Variants in LGR5 observed in about 807,000 individuals in gnomAD.
LGR5 encodes the protein leucine-rich repeat-containing G protein-coupled receptor 5.
LGR5 carries 54 observed loss-of-function variants against 76.7 expected under a neutral mutation model. The observed-to-expected ratio is 0.70, with a 90% confidence interval of 0.57 to 0.88. The LOEUF is 0.88. Among genes scored for constraint, LGR5 ranks in the 40% least tolerant of loss-of-function variants. The pLI, the probability that LGR5 is intolerant of heterozygous loss-of-function variation, is 0.00. For missense variants in LGR5, 1,078 were observed against 1,073.3 expected (o/e 1.00, Z -0.06); for synonymous variants, 406 against 421.9 (o/e 0.96, Z 0.46).
chr12:71,452,504 C>T (rs1477648975), intron 1 of LGR5, among the ~76,000 whole-genome samples: 2 of 152,180 alleles, frequency 1.3e-5, no homozygotes, highest in Admixed American at 1.3e-4. Context: ...CGGAGTGAGA[C>T]TACTTGATAT....
At chr12:71,514,220 T>C (rs1475222441) in intron 2 of LGR5, among the ~76,000 whole-genome samples, 1 of 151,930 alleles carries the variant, frequency 6.6e-6, no homozygotes, top group Non-Finnish European at 1.5e-5. Context: ...TTAACCGAGA[T>C]GGTTAAGGAA....
intron 4 of LGR5, among the ~76,000 whole-genome samples, chr12:71,545,935 C>T (rs1055319012): frequency 5.9e-5 from 9 of 152,094 alleles, no homozygotes; most frequent in Non-Finnish European, 1.0e-4. Context: ...AGAAAATTTG[C>T]ATTATTAACC....
chr12:71,514,959 T>C (rs1163801740), intron 2 of LGR5, among the ~76,000 whole-genome samples: 1 of 152,216 alleles, frequency 6.6e-6, no homozygotes, highest in Non-Finnish European at 1.5e-5. Flanking sequence ...AATGTCATGA[T>C]TCTTATATCC....
chr12:71,501,091 C>A (rs1874577282), intron 1 of LGR5, among the ~76,000 whole-genome samples: 1 of 152,024 alleles, frequency 6.6e-6, no homozygotes, highest in African/African-American at 2.4e-5. Flanking sequence ...TTTAAAAAAA[C>A]AGAGCATTTT....
intron 1 of LGR5, among the ~76,000 whole-genome samples, chr12:71,460,629 C>T (rs1023223557): frequency 1.3e-5 from 2 of 152,096 alleles, no homozygotes; most frequent in African/African-American, 4.8e-5. Flanking sequence ...GCTTAACTTG[C>T]AAATTAATGC....
intron 2 of LGR5, among the ~76,000 whole-genome samples, chr12:71,508,777 A>AAAG (rs1357326144): frequency 6.7e-6 from 1 of 149,848 alleles, no homozygotes; most frequent in Non-Finnish European, 1.5e-5. Context: ...AAAAAAAAAA[A>AAAG]GCATTGTAAC....
At position 71,448,528 on chromosome 12, in the gene LGR5, C is replaced by G. The variant is rs542116133; in HGVS notation, c.212+8236C>G. 8 of 152,242 alleles carry G rather than the reference C, an allele frequency of 5.3e-5. No homozygotes were observed. The South Asian group carries it at 1.7e-3, about 32-fold the overall frequency. 9.4% of individuals were successfully genotyped at this position (152,242 alleles called of 1,614,324 possible). A position where few individuals can be genotyped will look rare whatever the true frequency, so the allele number is the denominator to read the frequency against. ...TTTATTGGTTCGATGCACAAAACACCACATGGTGCTTGAAGGTTTTAGGTT... is the reference window on the plus strand; with the variant it reads ...TTTATTGGTTCGATGCACAAAACACGACATGGTGCTTGAAGGTTTTAGGTT... On this transcript the variant is annotated intron_variant, in intron 1 of 17. Transcript: ENST00000266674.
intron 2 of LGR5, 42 bp from the exon 3 acceptor site, chr12:71,524,361 TGAA>T (rs1346724712): frequency 7.4e-7 from 1 of 1,357,650 alleles, no homozygotes; most frequent in Non-Finnish European, 1.0e-6. Flanking sequence ...GACTTCCACA[TGAA>T]GAGGTATGCT....
chr12:71,546,821 T>C (rs1040912502), intron 4 of LGR5, among the ~76,000 whole-genome samples: 1 of 152,186 alleles, frequency 6.6e-6, no homozygotes, highest in Admixed American at 6.5e-5. Flanking sequence ...TGGGAGAGGA[T>C]AAGTCATTTC....
At chr12:71,495,367 A>C (rs546642789) in intron 1 of LGR5, among the ~76,000 whole-genome samples, 13 of 151,254 alleles carry the variant, frequency 8.6e-5, no homozygotes, top group South Asian at 4.1e-4. Flanking sequence ...GCTGCTTATG[A>C]TTGACTAGAG....
At chr12:71,548,652 C>T (rs1377146723) in intron 4 of LGR5, among the ~76,000 whole-genome samples, 1 of 152,014 alleles carries the variant, frequency 6.6e-6, no homozygotes, top group African/African-American at 2.4e-5. Flanking sequence ...GTGTTATTTC[C>T]TTAATCAGAA....
At chr12:71,469,459 C>T (rs755694015) in intron 1 of LGR5, among the ~76,000 whole-genome samples, 1 of 152,204 alleles carries the variant, frequency 6.6e-6, no homozygotes, top group African/African-American at 2.4e-5. Context: ...TGCCTGCCTC[C>T]GCGTGGGCGC....
chr12:71,565,336 T>C (rs188162355), intron 8 of LGR5, among the ~76,000 whole-genome samples: 3 of 151,344 alleles, frequency 2.0e-5, no homozygotes, highest in Non-Finnish European at 4.4e-5. Flanking sequence ...TGCCAAGGTG[T>C]CTGAGCCTCA....
At chr12:71,474,902 T>C (rs1199185635) in intron 1 of LGR5, among the ~76,000 whole-genome samples, 2 of 152,164 alleles carry the variant, frequency 1.3e-5, no homozygotes, top group Non-Finnish European at 1.5e-5. Flanking sequence ...CCAAGGGAGA[T>C]TAAATTGCCT....
intron 16 of LGR5, among the ~76,000 whole-genome samples, chr12:71,582,006 A>T (rs1195636713): frequency 6.6e-6 from 1 of 152,244 alleles, no homozygotes; most frequent in Admixed American, 6.5e-5. Context: ...GTTACACAGA[A>T]TTCCCCAGGG....
At chr12:71,565,630 G>A (rs948112887) in intron 8 of LGR5, among the ~76,000 whole-genome samples, 1 of 149,908 alleles carries the variant, frequency 6.7e-6, no homozygotes, top group Non-Finnish European at 1.5e-5. Flanking sequence ...CTAGTATAAT[G>A]CCAAGTCCAA....
intron 4 of LGR5, among the ~76,000 whole-genome samples, chr12:71,546,850 G>A (rs1472431014): frequency 6.6e-6 from 1 of 152,174 alleles, no homozygotes; most frequent in Non-Finnish European, 1.5e-5. Context: ...AGGTAGCCCA[G>A]AAACCTGGGA....
Position 71,584,839 on chromosome 12 carries a change from T to C in LGR5, c.*105T>C, listed in dbSNP as rs891222924. ...AGAAGAGCTGAGGTGAAACTCGGTT[T>C]AAAAACCAAAAAAGAATCTCTCAGT... On this transcript the variant is annotated 3_prime_UTR_variant, in exon 18 of 18. Coordinates refer to ENST00000266674, the MANE Select transcript of LGR5 (RefSeq NM_003667.4). 1 of 1,223,356 alleles carries C rather than the reference T, an allele frequency of 8.2e-7. No individual in the cohort carries two copies. Among genetic ancestry groups the C allele is most frequent in the Non-Finnish European group, 1.1e-6 (1 of 879,362 alleles). The allele number at this position is 1,223,356 out of a possible 1,614,324, so 75.8% of individuals were successfully genotyped here. A position where few individuals can be genotyped will look rare whatever the true frequency, so the allele number is the denominator to read the frequency against.
rs373425326 is a variant in LGR5, at chr12:71,580,386, C to T, written c.1515C>T (p.Asp505=). Residue 505 remains aspartate, a synonymous_variant, in exon 16 of 18, where the codon GAC becomes GAT. Transcript: ENST00000266674. Reference sequence around the variant, plus strand: ...AAGGTGACAACAGCAGTATGGACGACCTTCATAAGAAAGATGCTGGAATGT... The same window carrying T: ...AAGGTGACAACAGCAGTATGGACGATCTTCATAAGAAAGATGCTGGAATGT... The part of the protein sequence containing the change: ...WNKGDNSSMD[D]LHKKDAGMFQ... 2.0e-5 allele frequency: 33 copies of T among 1,613,736 alleles called. No individual in the cohort carries two copies. The highest frequency in any genetic ancestry group is 2.5e-5 in the Non-Finnish European group (29 of 1,179,922).
Sources: gnomAD v4.1 joint callset for allele counts (sites outside exome capture counted in the v4.1 genomes callset) on GRCh38, gnomAD v4.1.1 for gene constraint, MANE v1.5 for transcripts, NCBI Gene and HGNC (gene_info 2026-07-23, HGNC 2026-07-21) for gene names.